NUDT3: variants seen among roughly 807,000 people sequenced by gnomAD.
NUDT3 encodes the protein nudix hydrolase 3, also known as diphosphoinositol polyphosphate phosphohydrolase 1.
In NUDT3, 9 loss-of-function variants were observed where a neutral mutation model predicts 23.6. The ratio of observed to expected loss-of-function variants is 0.38; its 90% CI spans 0.23 to 0.66. The LOEUF (loss-of-function observed/expected upper bound fraction) is 0.66, where lower values mean the gene tolerates loss of function less well. NUDT3 is among the 30% of genes least tolerant of loss of function. The probability of loss-of-function intolerance (pLI) is 0.52; values close to 1 mark genes in which losing one functional copy is unlikely to be tolerated. For synonymous variants in NUDT3, 86 were observed against 82.6 expected (o/e 1.04, Z -0.22); for missense variants, 172 against 218.5 (o/e 0.79, Z 1.34).
intron 1 of NUDT3, among the ~76,000 whole-genome samples, chr6:34,351,216 A>AAAAAAAAAAAC (rs1764467972): frequency 7.6e-6 from 1 of 130,732 alleles, no homozygotes; most frequent in African/African-American, 3.4e-5. Flanking sequence ...AAAAAAAAAA[A>AAAAAAAAAAAC]AAAAAAAAAA....
chr6:34,329,162 C>G (rs902574045), intron 2 of NUDT3, among the ~76,000 whole-genome samples: 1 of 152,050 alleles, frequency 6.6e-6, no homozygotes, highest in Non-Finnish European at 1.5e-5. Context: ...TTCTGAGATA[C>G]CATATGGAGC....
intron 1 of NUDT3, among the ~76,000 whole-genome samples, chr6:34,351,600 G>A (rs775159043): frequency 6.7e-6 from 1 of 149,340 alleles, no homozygotes; most frequent in Non-Finnish European, 1.5e-5. Flanking sequence ...AAATTAGCTG[G>A]GCGTGGTCGT....
chr6:34,374,646 T>A (rs1340380588), intron 1 of NUDT3, among the ~76,000 whole-genome samples: 1 of 152,140 alleles, frequency 6.6e-6, no homozygotes. Flanking sequence ...CAATCCAGCA[T>A]TTGTCTACTC....
intron 2 of NUDT3, among the ~76,000 whole-genome samples, chr6:34,300,795 A>T (rs1435775851): frequency 6.6e-6 from 1 of 152,200 alleles, no homozygotes; most frequent in African/African-American, 2.4e-5. Flanking sequence ...TCGTAGCTGA[A>T]AGGTTCCTGC....
At chr6:34,338,227 C>T (rs1764237523) in intron 2 of NUDT3, among the ~76,000 whole-genome samples, 1 of 152,252 alleles carries the variant, frequency 6.6e-6, no homozygotes, top group Admixed American at 6.5e-5. Context: ...CCTCCTCTAT[C>T]TAGTCTCCCT....
intron 4 of NUDT3, among the ~76,000 whole-genome samples, chr6:34,290,766 A>G (rs975961051): frequency 2.7e-5 from 4 of 147,380 alleles, no homozygotes; most frequent in Non-Finnish European, 6.0e-5. Flanking sequence ...AAGCATTTCC[A>G]TATCACTGGA....
At chr6:34,366,555 A>T (rs1206418872) in intron 1 of NUDT3, among the ~76,000 whole-genome samples, 1 of 142,468 alleles carries the variant, frequency 7.0e-6, no homozygotes, top group Non-Finnish European at 1.5e-5. Context: ...CCAGAATGGG[A>T]GCTTACTGTT....
chr6:34,341,646 TAA>T (rs1423641570), intron 2 of NUDT3, among the ~76,000 whole-genome samples: 3 of 152,236 alleles, frequency 2.0e-5, no homozygotes, highest in African/African-American at 7.2e-5. Flanking sequence ...AAGTCTGGCA[TAA>T]AAAGTCATGG....
Position 34,293,457 on chromosome 6 carries a change from T to C in NUDT3, c.334A>G (p.Asn112Asp), listed in dbSNP as rs1282674903. The C allele has an allele frequency of 1.2e-6, 2 of 1,614,050 alleles. No individual in the cohort carries two copies. Among genetic ancestry groups the C allele is most frequent in the African/African-American group, 2.7e-5 (2 of 74,926 alleles). The part of the protein sequence containing the change: ...EVLEDWEDSV[N>D]IGRKREWFKI... ...CTGTCTGGAGATGGCTTACCAATGTTAACTGAATCTTCCCAGTCTTCCAGC... is the reference window on the plus strand; with the variant it reads ...CTGTCTGGAGATGGCTTACCAATGTCAACTGAATCTTCCCAGTCTTCCAGC... Residue 112 changes from asparagine (N) to aspartate (D), a missense_variant, in exon 4 of 5, where the codon AAC (asparagine) becomes GAC (aspartate). This residue lies in a region of NUDT3 where 59 missense variants were observed against 107.4 expected (regional missense o/e 0.55). Coordinates refer to ENST00000607016, the MANE Select transcript of NUDT3 (RefSeq NM_006703.4).
intron 1 of NUDT3, 44 bp from the exon 2 acceptor site, chr6:34,342,016 G>T (rs765921713): frequency 6.4e-6 from 10 of 1,560,554 alleles, no homozygotes; most frequent in Non-Finnish European, 7.9e-6. Flanking sequence ...AAAATTCAAA[G>T]ACACATCCAC....
chr6:34,309,369 A>C (rs1228876576), intron 2 of NUDT3, among the ~76,000 whole-genome samples: 1 of 152,022 alleles, frequency 6.6e-6, no homozygotes, highest in Non-Finnish European at 1.5e-5. Flanking sequence ...ATAACATCAA[A>C]ATTTGTGGGA....
At chr6:34,297,726 A>T (rs886113999) in intron 2 of NUDT3, among the ~76,000 whole-genome samples, 30 of 42,446 alleles carry the variant, frequency 7.1e-4, no homozygotes, top group South Asian at 3.0e-3. Context: ...TGTAAAAAAA[A>T]AAAAATATAT....
intron 1 of NUDT3, among the ~76,000 whole-genome samples, chr6:34,373,106 C>T (rs1237060781): frequency 1.3e-5 from 2 of 151,602 alleles, no homozygotes; most frequent in Admixed American, 6.6e-5. Flanking sequence ...GGTGAAACCC[C>T]ATCTCTACTA....
intron 2 of NUDT3, among the ~76,000 whole-genome samples, chr6:34,316,603 C>T (rs1763861667): frequency 6.6e-6 from 1 of 152,114 alleles, no homozygotes; most frequent in Non-Finnish European, 1.5e-5. Flanking sequence ...CAATAAAAGG[C>T]ACTTAAAAAA....
chr6:34,335,033 T>A (rs1764187633), intron 2 of NUDT3, among the ~76,000 whole-genome samples: 1 of 151,268 alleles, frequency 6.6e-6, no homozygotes, highest in Non-Finnish European at 1.5e-5. Context: ...GTATAAAGTC[T>A]AGCACAAAAG....
intron 1 of NUDT3, among the ~76,000 whole-genome samples, chr6:34,380,780 T>C (rs996229932): frequency 6.6e-6 from 1 of 152,178 alleles, no homozygotes; most frequent in Non-Finnish European, 1.5e-5. Flanking sequence ...CAGCTTTCTT[T>C]ATCCACAATA....
chr6:34,299,600 ATTTTTTTTT>A (rs147548768), intron 2 of NUDT3, among the ~76,000 whole-genome samples: 1 of 137,060 alleles, frequency 7.3e-6, no homozygotes. Flanking sequence ...ATTTTCTTGA[ATTTTTTTTT>A]TTTTTTTTTT....
chr6:34,314,485 G>C (rs894108663), intron 2 of NUDT3, among the ~76,000 whole-genome samples: 1 of 150,826 alleles, frequency 6.6e-6, no homozygotes, highest in African/African-American at 2.4e-5. Flanking sequence ...CTTGAACCTG[G>C]AAGGTGGGTG....
chr6:34,379,506 G>A (rs896070379), intron 1 of NUDT3, among the ~76,000 whole-genome samples: 2 of 151,898 alleles, frequency 1.3e-5, no homozygotes, highest in Non-Finnish European at 2.9e-5. Flanking sequence ...GTTGCAGTGA[G>A]CCAATATCAC....
Sources: gnomAD v4.1 joint callset for allele counts (sites outside exome capture counted in the v4.1 genomes callset) on GRCh38, gnomAD v4.1.1 for gene constraint, gnomAD v4.1.1 regional missense constraint, MANE v1.5 for transcripts, NCBI Gene and HGNC (gene_info 2026-07-23, HGNC 2026-07-21) for gene names.